KLHDC4: variants seen among roughly 807,000 people sequenced by gnomAD.
The protein encoded by KLHDC4 is kelch domain containing 4, also known as kelch domain-containing protein 4.
In KLHDC4, 90 loss-of-function variants were observed where a neutral mutation model predicts 62.4. The ratio of observed to expected loss-of-function variants is 1.44; its 90% CI spans 1.22 to 1.72. The LOEUF is 1.72. Ranked by LOEUF, KLHDC4 falls within the 40% of genes most tolerant of loss-of-function variation. The probability of loss-of-function intolerance (pLI) is 0.00; values close to 1 mark genes in which losing one functional copy is unlikely to be tolerated. For synonymous variants in KLHDC4, 386 were observed against 284.4 expected (o/e 1.36, Z -3.59); for missense variants, 1,025 against 699.7 (o/e 1.47, Z -5.25).
At chr16:87,705,025 G>A (rs912546941), downstream of KLHDC4, among the ~76,000 whole-genome samples, 2 of 152,202 alleles carry the variant, frequency 1.3e-5, no homozygotes, top group Admixed American at 1.3e-4. Flanking sequence ...GCCGGCCAGA[G>A]TGCCTCCCCT....
downstream of KLHDC4, among the ~76,000 whole-genome samples, chr16:87,705,901 C>G (rs990369734): frequency 8.5e-5 from 13 of 152,246 alleles, no homozygotes; most frequent in African/African-American, 2.9e-4. Flanking sequence ...CTTGATTGCC[C>G]AGCACTCAGA....
intron 8 of KLHDC4, 64 bp from the exon 9 acceptor site, chr16:87,711,507 G>A: frequency 7.0e-6 from 10 of 1,428,548 alleles, no homozygotes; most frequent in Non-Finnish European, 8.5e-6. Context: ...GCCAGCCCAG[G>A]ACACGCTCAG....
At chr16:87,729,525 C>T (rs2039968017) in intron 6 of KLHDC4, among the ~76,000 whole-genome samples, 1 of 152,232 alleles carries the variant, frequency 6.6e-6, no homozygotes, top group Admixed American at 6.5e-5. Flanking sequence ...GCACTTATGA[C>T]AGAAACAGGG....
At chr16:87,763,286 T>C (rs750251084) in intron 1 of KLHDC4, among the ~76,000 whole-genome samples, 2 of 152,206 alleles carry the variant, frequency 1.3e-5, no homozygotes, top group Non-Finnish European at 2.9e-5. Context: ...AAGCAACATA[T>C]AGTATTGTTT....
At chr16:87,751,021 G>C (rs931205780) in intron 4 of KLHDC4, 62 of 152,356 alleles carry the variant, frequency 4.1e-4, no homozygotes, top group African/African-American at 1.5e-3. Flanking sequence ...GAGGAAGTTA[G>C]GTGGCACAAC....
At position 87,714,438 on chromosome 16, in the gene KLHDC4, C is replaced by T. The variant is rs112664570; in HGVS notation, c.835+60G>A. 249 of 1,383,062 alleles carry T rather than the reference C, an allele frequency of 1.8e-4. No individual in the cohort carries two copies. In the African/African-American group the frequency reaches 3.2e-3, roughly 18 times the overall value. The allele number at this position is 1,383,062 out of a possible 1,614,324, so 85.7% of individuals were successfully genotyped here. A position where few individuals can be genotyped will look rare whatever the true frequency, so the allele number is the denominator to read the frequency against. On this transcript the variant is annotated intron_variant, in intron 8 of 11. Coordinates refer to ENST00000270583, the MANE Select transcript of KLHDC4 (RefSeq NM_017566.4). ...CCCCACATCCATGGGAGGGTGTGGG[C>T]TCTGCCTCCCGCCACACACAGACCA...
At chr16:87,723,442 G>C (rs982091148) in intron 7 of KLHDC4, among the ~76,000 whole-genome samples, 2 of 152,254 alleles carry the variant, frequency 1.3e-5, no homozygotes, top group Non-Finnish European at 2.9e-5. Flanking sequence ...CAGCTTAGCC[G>C]GTCTGGCTGT....
rs189316365 is a variant in KLHDC4, at chr16:87,749,564, A to G, written c.370-755T>C. On this transcript the variant is annotated intron_variant, in intron 4 of 11. Transcript: ENST00000270583. ...GCGAGACTCCATGTCAAAAAAAAAAAAAAAAAAGAAAGAAAGTGTTTATGT... is the reference window on the plus strand; with the variant it reads ...GCGAGACTCCATGTCAAAAAAAAAAGAAAAAAAGAAAGAAAGTGTTTATGT... Among the ~76,000 whole-genome samples, 22 of 151,902 alleles carry G rather than the reference A, an allele frequency of 1.4e-4. No homozygotes were observed. In the East Asian group the frequency reaches 4.1e-3, roughly 28 times the overall value.
chr16:87,759,558 C>T (rs1261471436), intron 2 of KLHDC4, among the ~76,000 whole-genome samples: 1 of 152,202 alleles, frequency 6.6e-6, no homozygotes, highest in African/African-American at 2.4e-5. Flanking sequence ...ACCAGCCTGA[C>T]CAACACGGAG....
intron 2 of KLHDC4, among the ~76,000 whole-genome samples, chr16:87,759,327 G>T (rs1313612008): frequency 6.7e-6 from 1 of 149,448 alleles, no homozygotes; most frequent in African/African-American, 2.5e-5. Context: ...CTGAGGTCAG[G>T]AATTTGAGGC....
intron 5 of KLHDC4, among the ~76,000 whole-genome samples, chr16:87,745,623 C>A (rs147026804): frequency 6.6e-6 from 1 of 152,338 alleles, no homozygotes; most frequent in East Asian, 1.9e-4. Context: ...ACACAACAGA[C>A]TGCAGTCAAC....
rs758183740 is a variant in KLHDC4, at chr16:87,709,636, C to T, written c.1076G>A (p.Arg359Gln). The T allele has an allele frequency of 1.9e-5, 31 of 1,605,978 alleles. No homozygotes were observed. Among genetic ancestry groups the T allele is most frequent in the African/African-American group, 1.7e-4 (13 of 74,780 alleles). The change falls in exon 10 of 12, where the codon CGG becomes CAG. Residue 359 changes from arginine to glutamine, a missense_variant. Coordinates refer to ENST00000270583, the MANE Select transcript of KLHDC4 (RefSeq NM_017566.4). Reference protein sequence around the residue: ...GPKSEKKKRRRGRKEEPEGGS... With the variant: ...GPKSEKKKRRQGRKEEPEGGS... Reference sequence around the variant, plus strand: ...ACCTTCGGGCTCCTCTTTTCTGCCCCGCCTGCGTTTCTTCTTTTCAGACTT... The same window carrying T: ...ACCTTCGGGCTCCTCTTTTCTGCCCTGCCTGCGTTTCTTCTTTTCAGACTT...
chr16:87,756,529 G>A (rs2044945892), intron 2 of KLHDC4, 52 bp from the exon 3 acceptor site: 2 of 1,324,156 alleles, frequency 1.5e-6, no homozygotes, highest in African/African-American at 1.4e-5. Context: ...ATACCCACCT[G>A]AGCGCTGTCC....
chr16:87,756,294 G>T, intron 3 of KLHDC4, 105 bp downstream of exon 3: 1 of 825,646 alleles, frequency 1.2e-6, no homozygotes, highest in Non-Finnish European at 2.0e-6. Flanking sequence ...CGTGATACAA[G>T]GGGTGAAGGG....
At chr16:87,722,215 G>A (rs913931274) in intron 7 of KLHDC4, among the ~76,000 whole-genome samples, 4 of 152,326 alleles carry the variant, frequency 2.6e-5, no homozygotes, top group Non-Finnish European at 2.9e-5. Flanking sequence ...AGACTGACTC[G>A]GAATTTATAA....
Position 87,708,315 on chromosome 16 carries a change from G to A in KLHDC4, c.*1+35C>T, listed in dbSNP as rs367901236. The A allele has an allele frequency of 6.5e-6, 9 of 1,384,770 alleles. No individual in the cohort carries two copies. The East Asian group carries it at 1.6e-4, about 25-fold the overall frequency. The allele number at this position is 1,384,770 out of a possible 1,614,324, so 85.8% of individuals were successfully genotyped here. On this transcript the variant is annotated intron_variant, in intron 11 of 11. Transcript: ENST00000270583. ...ATGAAAAGCCTTTCACGAACACCCA[G>A]CAGCCGCGCCACCCGCCAGCCCGAG...
At chr16:87,744,073 G>C (rs751830666) in intron 5 of KLHDC4, among the ~76,000 whole-genome samples, 2 of 152,268 alleles carry the variant, frequency 1.3e-5, no homozygotes, top group South Asian at 2.1e-4. Flanking sequence ...GAGGTCAGGA[G>C]TTCAAGACCA....
chr16:87,748,931 C>T (rs2043462201), intron 4 of KLHDC4, 122 bp from the exon 5 acceptor site: 1 of 1,098,254 alleles, frequency 9.1e-7, no homozygotes, highest in African/African-American at 1.7e-5. Flanking sequence ...TGACCAGCCC[C>T]ACACTCAGCC....
rs1163841480 is a variant in KLHDC4, at chr16:87,708,037, G to A, written c.*40C>T. ...ACACGGCTGGGTCCTGGGCGGACGT[G>A]GGCACAGCACTTGCCAGGCGCCCCT... On this transcript the variant is annotated 3_prime_UTR_variant, in exon 12 of 12. Transcript: ENST00000270583. 1.9e-6 allele frequency: 1 copy of A among 523,664 alleles called. No individual in the cohort carries two copies. Among genetic ancestry groups the A allele is most frequent in the Non-Finnish European group, 3.7e-6 (1 of 270,974 alleles). The allele number at this position is 523,664 out of a possible 1,614,324, so 32.4% of individuals were successfully genotyped here.
Sources: gnomAD v4.1 joint callset for allele counts (sites outside exome capture counted in the v4.1 genomes callset) on GRCh38, gnomAD v4.1.1 for gene constraint, MANE v1.5 for transcripts, NCBI Gene and HGNC (gene_info 2026-07-23, HGNC 2026-07-21) for gene names.